CNTN5: variants seen among roughly 807,000 people sequenced by gnomAD.
The protein encoded by CNTN5 is contactin 5, also known as contactin-5.
A neutral mutation model predicts 129.1 loss-of-function variants in CNTN5; 77 were observed. That is an observed-to-expected ratio of 0.60 (90% CI 0.50 to 0.72). The LOEUF is 0.72. Ranked by LOEUF, CNTN5 falls within the 30% of genes least tolerant of loss-of-function variation. The pLI is 0.00. For missense variants in CNTN5, 1,478 were observed against 1,328.8 expected (o/e 1.11, Z -1.75); for synonymous variants, 509 against 465.6 (o/e 1.09, Z -1.20).
chr11:99,316,467 G>C (rs895098704), intron 1 of CNTN5, among the ~76,000 whole-genome samples: 2 of 152,058 alleles, frequency 1.3e-5, no homozygotes, highest in African/African-American at 4.8e-5. Context: ...TTTTTCTACA[G>C]TATATCTAGG....
chr11:99,714,866 C>A (rs1955153634), intron 3 of CNTN5, among the ~76,000 whole-genome samples: 1 of 120,850 alleles, frequency 8.3e-6, no homozygotes, highest in Non-Finnish European at 1.8e-5. Flanking sequence ...AAAAAAAAAA[C>A]CTTGAAGCTG....
chr11:100,343,552 G>T (rs1365717321), intron 23 of CNTN5, among the ~76,000 whole-genome samples: 1 of 152,070 alleles, frequency 6.6e-6, no homozygotes, highest in East Asian at 1.9e-4. Context: ...GGCAGCCAAG[G>T]ATGAAAGCTC....
intron 13 of CNTN5, among the ~76,000 whole-genome samples, chr11:100,075,603 G>A (rs986516554): frequency 6.6e-6 from 1 of 152,168 alleles, no homozygotes; most frequent in African/African-American, 2.4e-5. Flanking sequence ...TATAGACTGA[G>A]AGGGGAAATC....
chr11:99,790,625 A>C (rs1247142266), intron 3 of CNTN5, among the ~76,000 whole-genome samples: 1 of 152,046 alleles, frequency 6.6e-6, no homozygotes, highest in African/African-American at 2.4e-5. Flanking sequence ...TATTGCTATG[A>C]TGAATATACA....
intron 2 of CNTN5, among the ~76,000 whole-genome samples, chr11:99,514,741 AT>A (rs1946979545): frequency 6.6e-6 from 1 of 152,114 alleles, no homozygotes; most frequent in Non-Finnish European, 1.5e-5. Flanking sequence ...TAGTATAAAA[AT>A]AACTTTTATT....
chr11:99,921,757 G>T (rs895213689), intron 7 of CNTN5, among the ~76,000 whole-genome samples: 2 of 152,024 alleles, frequency 1.3e-5, no homozygotes, highest in African/African-American at 4.8e-5. Context: ...TTTATTGAAT[G>T]AATCTATGTA....
intron 15 of CNTN5, among the ~76,000 whole-genome samples, chr11:100,194,219 T>G (rs1262614661): frequency 7.3e-5 from 11 of 151,702 alleles, no homozygotes; most frequent in Non-Finnish European, 2.9e-5. Flanking sequence ...CCAAATGGAG[T>G]GGGAAATCTC....
intron 2 of CNTN5, among the ~76,000 whole-genome samples, chr11:99,408,942 T>C (rs528421430): frequency 2.0e-5 from 3 of 152,330 alleles, no homozygotes; most frequent in African/African-American, 7.2e-5. Context: ...ATCTGCAAAA[T>C]AAATCCCAAG....
chr11:100,118,794 A>G (rs1014031069), intron 13 of CNTN5, among the ~76,000 whole-genome samples: 4 of 151,976 alleles, frequency 2.6e-5, no homozygotes, highest in Middle Eastern at 6.8e-3. Flanking sequence ...ATCTTTTTAA[A>G]TTTTTTATGT....
chr11:99,723,539 C>T (rs1003259987), intron 3 of CNTN5, among the ~76,000 whole-genome samples: 4 of 152,160 alleles, frequency 2.6e-5, no homozygotes, highest in African/African-American at 9.7e-5. Context: ...ACCACCACAC[C>T]TATCTTGCAT....
chr11:99,689,374 A>C (rs1953935741), intron 3 of CNTN5, among the ~76,000 whole-genome samples: 1 of 151,778 alleles, frequency 6.6e-6, no homozygotes, highest in Non-Finnish European at 1.5e-5. Context: ...AAAAATACAA[A>C]AAATTAGCTG....
intron 1 of CNTN5, among the ~76,000 whole-genome samples, chr11:99,130,165 C>T (rs193139682): frequency 4.6e-4 from 70 of 152,048 alleles, no homozygotes; most frequent in Non-Finnish European, 7.8e-4. Flanking sequence ...ATACAAAGAA[C>T]GGCAAGCTGG....
At chr11:100,186,284 A>G (rs1948300023) in intron 13 of CNTN5, among the ~76,000 whole-genome samples, 1 of 152,148 alleles carries the variant, frequency 6.6e-6, no homozygotes, top group Non-Finnish European at 1.5e-5. Context: ...CTGAGGTGGG[A>G]GAATCTCTTG....
intron 3 of CNTN5, among the ~76,000 whole-genome samples, chr11:99,799,740 T>C (rs565795868): frequency 6.6e-6 from 1 of 152,112 alleles, no homozygotes; most frequent in South Asian, 2.1e-4. Context: ...CTTTGGTAAC[T>C]TGGGTTGATG....
At chr11:100,009,609 A>C (rs11222337) in intron 9 of CNTN5, among the ~76,000 whole-genome samples, 10,674 of 152,122 alleles carry the variant, frequency 0.07, 773 homozygotes, top group East Asian at 0.31. Flanking sequence ...GAAGAATTAG[A>C]TTGGGTGTAA....
intron 8 of CNTN5, among the ~76,000 whole-genome samples, chr11:99,981,103 T>TATAC (rs1014330113): frequency 3.7e-5 from 2 of 54,530 alleles, no homozygotes; most frequent in East Asian, 9.8e-4. Flanking sequence ...TATATATATA[T>TATAC]ACACACACAC....
At chr11:99,794,926 T>C (rs1945879689) in intron 3 of CNTN5, among the ~76,000 whole-genome samples, 1 of 152,190 alleles carries the variant, frequency 6.6e-6, no homozygotes, top group Admixed American at 6.5e-5. Context: ...GTATAATATC[T>C]TGCAGGGGTT....
intron 2 of CNTN5, among the ~76,000 whole-genome samples, chr11:99,477,124 T>C (rs1945400972): frequency 2.0e-5 from 3 of 151,922 alleles, no homozygotes; most frequent in African/African-American, 7.2e-5. Context: ...AAAAAATATT[T>C]AGTTAATATC....
rs1861169619 is a variant in CNTN5, at chr11:99,234,551, T to C, written c.-209-90795T>C. ...CTCTATCACTGTACATATCATACCA[T>C]TGAAATAATTTGTTTTGTGAGTATA... On this transcript the variant is annotated intron_variant, in intron 1 of 24. Transcript: ENST00000524871. Among the ~76,000 whole-genome samples the C allele has an allele frequency of 2.6e-5, 4 of 151,824 alleles. No homozygotes were observed. The South Asian group carries it at 6.2e-4, about 24-fold the overall frequency.
Sources: gnomAD v4.1 joint callset for allele counts (sites outside exome capture counted in the v4.1 genomes callset) on GRCh38, gnomAD v4.1.1 for gene constraint, MANE v1.5 for transcripts, NCBI Gene and HGNC (gene_info 2026-07-23, HGNC 2026-07-21) for gene names.